IHO1: variants seen among roughly 807,000 people sequenced by gnomAD.
The protein encoded by IHO1 is interactor of HORMAD1 1.
Under a neutral mutation model 31.0 loss-of-function variants are expected in IHO1, and 13 were observed. The observed-to-expected ratio is 0.42, with a 90% confidence interval of 0.27 to 0.67. The LOEUF is 0.67. IHO1 is among the 30% of genes least tolerant of loss of function. The pLI, the probability that IHO1 is intolerant of heterozygous loss-of-function variation, is 0.24. For missense variants in IHO1, 599 were observed against 687.5 expected (o/e 0.87, Z 1.44); for synonymous variants, 221 against 248.4 (o/e 0.89, Z 1.04).
chr3:49,241,596 AAG>A (rs1418513800), intron 4 of IHO1, among the ~76,000 whole-genome samples: 1 of 151,758 alleles, frequency 6.6e-6, no homozygotes, highest in African/African-American at 2.4e-5. Context: ...AAGAGGGAGA[AAG>A]AGAAAGAGGG....
At position 49,245,050 on chromosome 3, in the gene IHO1, T is replaced by G. The variant is rs529495710; in HGVS notation, c.532+317T>G. On this transcript the variant is annotated intron_variant, in intron 6 of 7. Transcript: ENST00000452691. ...GCCTGAAGTGAGTCAGCAACATCCTTGAGTCTCAAATTGCTGCCTGTGCTG... is the reference window on the plus strand; with the variant it reads ...GCCTGAAGTGAGTCAGCAACATCCTGGAGTCTCAAATTGCTGCCTGTGCTG... 2.9e-5 allele frequency: 16 copies of G among 561,390 alleles called. No homozygotes were observed. The East Asian group carries it at 4.4e-4, about 16-fold the overall frequency. 34.8% of individuals were successfully genotyped at this position (561,390 alleles called of 1,614,324 possible). A position where few individuals can be genotyped will look rare whatever the true frequency, so the allele number is the denominator to read the frequency against.
chr3:49,255,558 CTTTTT>C (rs11344456), intron 7 of IHO1, 65 bp downstream of exon 7: 1,250 of 353,220 alleles, frequency 3.5e-3, no homozygotes, highest in South Asian at 5.3e-3. Context: ...CAGAGAGAAA[CTTTTT>C]TTTTTTTTTT....
intron 2 of IHO1, among the ~76,000 whole-genome samples, chr3:49,224,415 A>G (rs763037846): frequency 4.5e-4 from 68 of 152,246 alleles, no homozygotes; most frequent in Non-Finnish European, 6.8e-4. Context: ...ACTGTGTGCA[A>G]TAACTCCATA....
intron 1 of IHO1, chr3:49,200,588 T>A (rs1188797804): frequency 2.0e-6 from 2 of 984,274 alleles, no homozygotes; most frequent in Non-Finnish European, 2.4e-6. Flanking sequence ...ATCGGGGCGG[T>A]CCTCTCCCCC....
intron 1 of IHO1, among the ~76,000 whole-genome samples, chr3:49,204,559 G>A (rs921434849): frequency 2.6e-5 from 4 of 152,098 alleles, no homozygotes; most frequent in African/African-American, 9.7e-5. Context: ...TCTGAAAGGG[G>A]CTTTTTCTGA....
chr3:49,202,238 G>A (rs1363373119), intron 1 of IHO1, among the ~76,000 whole-genome samples: 3 of 151,730 alleles, frequency 2.0e-5, no homozygotes, highest in South Asian at 4.2e-4. Flanking sequence ...TTAGAATAGT[G>A]TAATAGTGTA....
chr3:49,213,755 A>G (rs917612417), intron 2 of IHO1, among the ~76,000 whole-genome samples: 1 of 152,224 alleles, frequency 6.6e-6, no homozygotes, highest in African/African-American at 2.4e-5. Context: ...TGCCAAGCCC[A>G]TGCCCACCTG....
At chr3:49,243,627 G>A (rs1218845213) in intron 4 of IHO1, among the ~76,000 whole-genome samples, 2 of 151,232 alleles carry the variant, frequency 1.3e-5, no homozygotes, top group African/African-American at 2.4e-5. Flanking sequence ...GCGTGGTGGC[G>A]GGAGCCTGTA....
chr3:49,244,270 A>G, intron 4 of IHO1, 134 bp from the exon 5 acceptor site: 1 of 640,598 alleles, frequency 1.6e-6, no homozygotes, highest in Non-Finnish European at 2.8e-6. Context: ...CTCAGGGTCA[A>G]GTCTTCAGAT....
chr3:49,248,417 A>AAAAACAAAAC (rs139167372), intron 6 of IHO1, among the ~76,000 whole-genome samples: 13,602 of 148,846 alleles, frequency 0.091, 719 homozygotes, highest in Non-Finnish European at 0.1. Context: ...AGACTCTCTC[A>AAAAACAAAAC]AAAACAAAAC....
Position 49,256,337 on chromosome 3 carries a change from C to T in IHO1, c.840C>T (p.Ser280=), listed in dbSNP as rs749595438. 3 of 1,614,034 alleles carry T rather than the reference C, an allele frequency of 1.9e-6. No individual in the cohort carries two copies. The highest frequency in any genetic ancestry group is 8.5e-7 in the Non-Finnish European group (1 of 1,180,056). Residue 280 remains serine, a synonymous_variant, in exon 8 of 8, where the codon AGC becomes AGT. Coordinates refer to ENST00000452691, the MANE Select transcript of IHO1 (RefSeq NM_001135197.2). The surrounding 1 kb of genome is among the most constrained non-coding windows in gnomAD (Gnocchi z 4.6). ...AGACGTCGCCACCTTTGGCCCAGAG[C>T]CTCAATCTCACCAGGCAGGAAAAAT... ...ASQTSPPLAQ[S]LNLTRQEKYT... is the part of the protein sequence containing the mutation.
intron 1 of IHO1, among the ~76,000 whole-genome samples, chr3:49,210,377 T>C (rs2046193939): frequency 6.6e-6 from 1 of 151,808 alleles, no homozygotes; most frequent in Non-Finnish European, 1.5e-5. Context: ...GGTGGGACTA[T>C]AGGCTTGTGC....
At chr3:49,236,783 T>C in intron 3 of IHO1, 61 bp downstream of exon 3, 1 of 1,493,906 alleles carries the variant, frequency 6.7e-7, no homozygotes. Flanking sequence ...AGATAAACTA[T>C]AAAGAATACT....
At chr3:49,234,505 C>G (rs184795327) in intron 2 of IHO1, among the ~76,000 whole-genome samples, 1 of 151,998 alleles carries the variant, frequency 6.6e-6, no homozygotes, top group African/African-American at 2.4e-5. Context: ...TATAAGGACA[C>G]CAATCCTATC....
intron 2 of IHO1, among the ~76,000 whole-genome samples, chr3:49,212,135 G>T (rs1318020303): frequency 6.9e-6 from 1 of 144,416 alleles, no homozygotes; most frequent in Non-Finnish European, 1.5e-5. Context: ...CTGCACTCCA[G>T]CCTGGGCGAC....
chr3:49,200,481 A>AAGAGAGAAAGAGAGAAAGAG (rs1559434565), intron 1 of IHO1: 2 of 472,620 alleles, frequency 4.2e-6, no homozygotes, highest in Non-Finnish European at 2.6e-6. Flanking sequence ...AAAAAAAAGA[A>AAGAGAGAAAGAGAGAAAGAG]AGAAAGAAAG....
Position 49,213,395 on chromosome 3 carries a change from G to A in IHO1, c.56+1559G>A, listed in dbSNP as rs1303972906. On this transcript the variant is annotated intron_variant, in intron 2 of 7. Transcript: ENST00000452691. ...AACCTTGAGCTAGACACAGAGTGCT[G>A]ATTGGTGTATCTACAATCCTTTAGC... Among the ~76,000 whole-genome samples the A allele has an allele frequency of 3.3e-5, 5 of 152,258 alleles. No homozygotes were observed. In the East Asian group the frequency reaches 9.6e-4, roughly 29 times the overall value.
At chr3:49,250,232 G>A (rs891829055) in intron 6 of IHO1, among the ~76,000 whole-genome samples, 3 of 152,204 alleles carry the variant, frequency 2.0e-5, no homozygotes, top group Non-Finnish European at 4.4e-5. Context: ...AAGGTTTGCA[G>A]AGGAGAGATT....
At chr3:49,205,773 T>TC (rs2046128417) in intron 1 of IHO1, among the ~76,000 whole-genome samples, 2 of 147,350 alleles carry the variant, frequency 1.4e-5, no homozygotes, top group South Asian at 4.4e-4. Flanking sequence ...GCAATTTTTT[T>TC]TTTTTTTTTT....
Sources: gnomAD v4.1 joint callset for allele counts (sites outside exome capture counted in the v4.1 genomes callset) on GRCh38, gnomAD v4.1.1 for gene constraint, Gnocchi (gnomAD v3.1) non-coding constraint, MANE v1.5 for transcripts, NCBI Gene and HGNC (gene_info 2026-07-23, HGNC 2026-07-21) for gene names.